PTPRG: variants seen among roughly 807,000 people sequenced by gnomAD.
PTPRG encodes the protein receptor-type tyrosine-protein phosphatase gamma.
PTPRG carries 102 observed loss-of-function variants against 165.3 expected under a neutral mutation model. The ratio of observed to expected loss-of-function variants is 0.62; its 90% CI spans 0.53 to 0.73. The LOEUF (loss-of-function observed/expected upper bound fraction) is 0.73, where lower values mean the gene tolerates loss of function less well. Ranked by LOEUF, PTPRG falls within the 30% of genes least tolerant of loss-of-function variation. The pLI is 0.00. For missense variants in PTPRG, 1,866 were observed against 1,861.4 expected (o/e 1.00, Z -0.05); for synonymous variants, 675 against 669.5 (o/e 1.01, Z -0.13).
At chr3:61,950,458 A>G (rs1409558674) in intron 2 of PTPRG, among the ~76,000 whole-genome samples, 1 of 152,248 alleles carries the variant, frequency 6.6e-6, no homozygotes, top group African/African-American at 2.4e-5. Context: ...AAATGCTGAA[A>G]GAAAACTATA....
Position 62,273,778 on chromosome 3 carries a change from C to T in PTPRG, c.3399C>T (p.His1133=), listed in dbSNP as rs1397170715. ...CTGAAGTATCTTCAAATCAGCTGCA[C>T]AGCTATGTTAACAGCATCCTTATAC... The part of the protein sequence containing the change: ...KETEVSSNQL[H]SYVNSILIPG... Residue 1133 remains histidine (H), a synonymous_variant, in exon 23 of 30, where the codon CAC becomes CAT. Coordinates refer to ENST00000474889, the MANE Select transcript of PTPRG (RefSeq NM_002841.4). This position sits in a 1 kb window ranked among gnomAD's most constrained non-coding sequence, Gnocchi z 4.1. 1.2e-6 allele frequency: 2 copies of T among 1,613,724 alleles called. No homozygotes were observed. Among genetic ancestry groups the T allele is most frequent in the Admixed American group, 1.7e-5 (1 of 59,998 alleles).
intron 2 of PTPRG, among the ~76,000 whole-genome samples, chr3:61,863,522 C>G (rs1255078977): frequency 1.3e-5 from 2 of 152,206 alleles, no homozygotes; most frequent in East Asian, 3.9e-4. Context: ...GGCCTTCTCT[C>G]AGATGTCAAG....
intron 1 of PTPRG, among the ~76,000 whole-genome samples, chr3:61,632,605 TCAAGTA>T (rs1469639373): frequency 1.3e-5 from 2 of 152,164 alleles, no homozygotes; most frequent in Admixed American, 1.3e-4. Flanking sequence ...CAAAGAGCTT[TCAAGTA>T]CATCATCTGC....
chr3:61,881,342 G>A (rs573504257), intron 2 of PTPRG, among the ~76,000 whole-genome samples: 1 of 152,254 alleles, frequency 6.6e-6, no homozygotes, highest in African/African-American at 2.4e-5. Flanking sequence ...AAATAAAATG[G>A]TTTTAATCTT....
intron 1 of PTPRG, among the ~76,000 whole-genome samples, chr3:61,721,415 C>T (rs1575609724): frequency 6.6e-6 from 1 of 152,100 alleles, no homozygotes; most frequent in Non-Finnish European, 1.5e-5. Context: ...ACTACAGAGA[C>T]ACTATGCAAT....
In PTPRG at chr3:62,295,036, A is replaced by G. The variant is rs562196230; in HGVS notation, c.*1729A>G. 6.6e-6 allele frequency: 1 copy of G among 152,128 alleles called. No individual in the cohort carries two copies. Among genetic ancestry groups the G allele is most frequent in the Non-Finnish European group, 1.5e-5 (1 of 67,996 alleles). The allele number at this position is 152,128 out of a possible 1,614,324, so 9.4% of individuals were successfully genotyped here. ...GGCCAGGTCAATGGAGTTTTCATAA[A>G]CTACATAATTTACCAGGGTTTATCT... On this transcript the variant is annotated 3_prime_UTR_variant, in exon 30 of 30. Coordinates refer to ENST00000474889, the MANE Select transcript of PTPRG (RefSeq NM_002841.4).
intron 1 of PTPRG, among the ~76,000 whole-genome samples, chr3:61,673,283 A>G (rs1264982465): frequency 1.3e-5 from 2 of 152,238 alleles, no homozygotes; most frequent in African/African-American, 4.8e-5. Flanking sequence ...GGAAAGTAAT[A>G]GAAATTTCTG....
intron 5 of PTPRG, among the ~76,000 whole-genome samples, chr3:62,117,453 A>G (rs1702906750): frequency 6.6e-6 from 1 of 152,220 alleles, no homozygotes; most frequent in Non-Finnish European, 1.5e-5. Context: ...TCTGATTAAC[A>G]CAACACTTGT....
chr3:61,780,520 T>C (rs2034516157), intron 2 of PTPRG, among the ~76,000 whole-genome samples: 1 of 152,214 alleles, frequency 6.6e-6, no homozygotes, highest in African/African-American at 2.4e-5. Flanking sequence ...AAATTGGGGA[T>C]TTTAATTTAA....
At chr3:62,259,919 A>G (rs371504879) in intron 16 of PTPRG, among the ~76,000 whole-genome samples, 40 of 152,296 alleles carry the variant, frequency 2.6e-4, no homozygotes, top group African/African-American at 9.1e-4. Context: ...GGTGGGGAAG[A>G]TAAGATGGGA....
At chr3:62,069,592 T>G (rs1185825904) in intron 4 of PTPRG, among the ~76,000 whole-genome samples, 1 of 151,200 alleles carries the variant, frequency 6.6e-6, no homozygotes, top group Non-Finnish European at 1.5e-5. Flanking sequence ...TTTTAGGGGG[T>G]GTATTAGTCA....
At chr3:61,826,141 T>C (rs2036103232) in intron 2 of PTPRG, among the ~76,000 whole-genome samples, 2 of 152,234 alleles carry the variant, frequency 1.3e-5, no homozygotes, top group South Asian at 4.1e-4. Flanking sequence ...AAATGTTTTT[T>C]TATTTGGTTG....
chr3:62,015,607 G>T (rs2041526105), intron 4 of PTPRG, among the ~76,000 whole-genome samples: 1 of 152,178 alleles, frequency 6.6e-6, no homozygotes, highest in South Asian at 2.1e-4. Flanking sequence ...CTCCTGAACA[G>T]CTGGGACTAC....
At chr3:61,841,675 C>A (rs918558439) in intron 2 of PTPRG, among the ~76,000 whole-genome samples, 4 of 151,920 alleles carry the variant, frequency 2.6e-5, no homozygotes, top group Admixed American at 6.6e-5. Context: ...TGTCCACTGG[C>A]AATTTACCAA....
intron 2 of PTPRG, among the ~76,000 whole-genome samples, chr3:61,852,630 C>A (rs1474068586): frequency 6.6e-6 from 1 of 152,020 alleles, no homozygotes; most frequent in Non-Finnish European, 1.5e-5. Flanking sequence ...ATTGATGAGT[C>A]TTTGGTTTAG....
chr3:61,800,928 A>C (rs1017725553), intron 2 of PTPRG, among the ~76,000 whole-genome samples: 5 of 152,132 alleles, frequency 3.3e-5, no homozygotes, highest in African/African-American at 1.2e-4. Flanking sequence ...TACAGACGTG[A>C]GCCACCATGT....
At chr3:62,285,635 A>G (rs1028519492) in intron 28 of PTPRG, among the ~76,000 whole-genome samples, 5 of 152,102 alleles carry the variant, frequency 3.3e-5, no homozygotes, top group Non-Finnish European at 7.4e-5. Context: ...GGACAGGCAC[A>G]GCTTAAAGAC....
At chr3:62,004,065 G>A (rs945975675) in intron 4 of PTPRG, among the ~76,000 whole-genome samples, 1 of 152,166 alleles carries the variant, frequency 6.6e-6, no homozygotes, top group Non-Finnish European at 1.5e-5. Flanking sequence ...GGGTGTGGGT[G>A]CACTAGGTCA....
At position 61,880,622 on chromosome 3, in the gene PTPRG, CA is replaced by C. The variant is rs35846878; in HGVS notation, c.191-108981del. Reference sequence around the variant, plus strand: ...TTGGGTGACAACGCGAACCCTGTCTCAAAAAAAAAAAAAAAAAAAAAAGAGA... The same window carrying C: ...TTGGGTGACAACGCGAACCCTGTCTCAAAAAAAAAAAAAAAAAAAAAGAGA... On this transcript the variant is annotated intron_variant, in intron 2 of 29. Transcript: ENST00000474889. Among the ~76,000 whole-genome samples the C allele has an allele frequency of 7.3e-3, 586 of 80,210 alleles. 5 individuals are homozygous for C. Among genetic ancestry groups the C allele is most frequent in the African/African-American group, 0.018 (407 of 22,440 alleles). The allele number at this position is 80,210 out of a possible 152,430, so 52.6% of individuals were successfully genotyped here.
Sources: allele counts gnomAD v4.1 joint callset (sites outside exome capture counted in the v4.1 genomes callset), GRCh38; gene constraint gnomAD v4.1.1; non-coding constraint Gnocchi (gnomAD v3.1); transcripts MANE v1.5; gene names NCBI Gene and HGNC (gene_info 2026-07-23, HGNC 2026-07-21).